The following ATP10B variants were observed in gnomAD, a reference collection of about 807,000 sequenced individuals.
The protein encoded by ATP10B is ATPase phospholipid transporting 10B (putative).
Under a neutral mutation model 141.2 loss-of-function variants are expected in ATP10B, and 122 were observed. The ratio of observed to expected loss-of-function variants is 0.86; its 90% CI spans 0.75 to 1.00. The LOEUF is 1.00. Among genes scored for constraint, ATP10B ranks in the 50% least tolerant of loss-of-function variants. The pLI, the probability that ATP10B is intolerant of heterozygous loss-of-function variation, is 0.00. For missense variants in ATP10B, 1,876 were observed against 1,825.3 expected (o/e 1.03, Z -0.51); for synonymous variants, 685 against 692.0 (o/e 0.99, Z 0.16).
At position 160,615,914 on chromosome 5, in the gene ATP10B, A is replaced by G. The variant is rs1459335828; in HGVS notation, c.2577T>C (p.Ala859=). 7.4e-6 allele frequency: 12 copies of G among 1,613,900 alleles called. No individual in the cohort carries two copies. Among genetic ancestry groups the G allele is most frequent in the Middle Eastern group, 1.6e-4 (1 of 6,080 alleles). ...FRRWASFRRE[A]EASLDNRDEL... ...CATCTCGGTTGTCGAGGGATGCCTC[A>G]GCCTCACGCCGGAAACTGGCCCATC... The change falls in exon 17 of 26, where the codon GCT becomes GCC. Residue 859 remains alanine (A), a synonymous_variant. Transcript: ENST00000327245.
chr5:160,864,604 G>C, the ATP10B span, among the ~76,000 whole-genome samples: 1 of 151,716 alleles, frequency 6.6e-6, no homozygotes, highest in Non-Finnish European at 1.5e-5. Flanking sequence ...AAAAAATAAA[G>C]AGTATCCAAA....
intron 7 of ATP10B, among the ~76,000 whole-genome samples, chr5:160,667,340 T>G (rs1037074326): frequency 3.3e-5 from 5 of 152,228 alleles, no homozygotes. Context: ...AGGACCTCTG[T>G]ATGCCCCAGT....
chr5:160,909,891 C>T, the ATP10B span, among the ~76,000 whole-genome samples: 2 of 152,130 alleles, frequency 1.3e-5, no homozygotes, highest in Admixed American at 1.3e-4. Context: ...GTAGGCAGCT[C>T]AGTAAAGCAG....
At chr5:160,616,088 TTTC>T in intron 16 of ATP10B, 124 bp from the exon 17 acceptor site, 1 of 1,033,206 alleles carries the variant, frequency 9.7e-7, no homozygotes, top group East Asian at 2.8e-5. Context: ...TAGATGGGGC[TTTC>T]TTCTCAAAGA....
chr5:160,864,164 G>A, the ATP10B span, among the ~76,000 whole-genome samples: 64 of 151,846 alleles, frequency 4.2e-4, no homozygotes, highest in African/African-American at 1.4e-3. Flanking sequence ...CATCCCTGAC[G>A]CAAAAACATA....
intron 21 of ATP10B, among the ~76,000 whole-genome samples, 197 bp downstream of exon 21, chr5:160,602,380 A>G (rs1757142513): frequency 6.6e-6 from 1 of 152,214 alleles, no homozygotes; most frequent in South Asian, 2.1e-4. Context: ...AATTCTCACA[A>G]TAACTTCACA....
chr5:160,915,463 C>T, the ATP10B span, among the ~76,000 whole-genome samples: 1 of 152,026 alleles, frequency 6.6e-6, no homozygotes, highest in Non-Finnish European at 1.5e-5. Flanking sequence ...TCCTGAGTAG[C>T]TGGGATAACA....
intron 22 of ATP10B, among the ~76,000 whole-genome samples, chr5:160,597,723 A>G (rs1410332526): frequency 6.6e-6 from 1 of 152,178 alleles, no homozygotes; most frequent in Non-Finnish European, 1.5e-5. Context: ...ACCCCATCAA[A>G]AAGTGGGCAA....
At chr5:160,720,538 G>A (rs1259986640) in intron 2 of ATP10B, among the ~76,000 whole-genome samples, 2 of 152,218 alleles carry the variant, frequency 1.3e-5, no homozygotes, top group Admixed American at 6.5e-5. Flanking sequence ...ATGCCTGAAA[G>A]CTTCTTCAAT....
At chr5:160,572,188 G>GTT (rs3075519) in intron 24 of ATP10B, among the ~76,000 whole-genome samples, 96,026 of 150,822 alleles carry the variant, frequency 0.64, 30,898 homozygotes, top group East Asian at 0.84. Context: ...CTTTTAAAGA[G>GTT]TTTTTTTTTC....
intron 18 of ATP10B, 126 bp from the exon 19 acceptor site, chr5:160,607,212 T>G (rs1757445553): frequency 1.2e-6 from 1 of 815,512 alleles, no homozygotes; most frequent in Non-Finnish European, 1.9e-6. Context: ...TACAAGCTAT[T>G]CTCCAATTTT....
At chr5:160,832,396 T>C (rs1052502555) in intron 1 of ATP10B, among the ~76,000 whole-genome samples, 6 of 152,078 alleles carry the variant, frequency 3.9e-5, no homozygotes, top group Non-Finnish European at 8.8e-5. Flanking sequence ...ATAAGGTAGT[T>C]TTATATGTAC....
chr5:160,835,399 G>C (rs1274602657), intron 1 of ATP10B, among the ~76,000 whole-genome samples: 2 of 152,098 alleles, frequency 1.3e-5, no homozygotes, highest in African/African-American at 4.8e-5. Flanking sequence ...AGTAGAAAAT[G>C]ACAAGTAGAA....
the ATP10B span, among the ~76,000 whole-genome samples, chr5:160,879,773 G>A: frequency 6.6e-6 from 1 of 152,106 alleles, no homozygotes; most frequent in Admixed American, 6.5e-5. Context: ...AGGAGGTGGA[G>A]CTTGTAGTGA....
At chr5:160,760,205 C>T (rs1347206542) in intron 2 of ATP10B, among the ~76,000 whole-genome samples, 1 of 152,224 alleles carries the variant, frequency 6.6e-6, no homozygotes, top group Non-Finnish European at 1.5e-5. Flanking sequence ...TACTTATTAA[C>T]TGCTAACAGG....
chr5:160,923,780 A>C, the ATP10B span, among the ~76,000 whole-genome samples: 358 of 152,356 alleles, frequency 2.3e-3, 1 homozygote, highest in Non-Finnish European at 3.7e-3. Context: ...TCAAGCCAAG[A>C]AGCCAGTTAC....
chr5:160,819,796 C>T (rs1773961820), intron 1 of ATP10B, among the ~76,000 whole-genome samples: 1 of 151,884 alleles, frequency 6.6e-6, no homozygotes, highest in African/African-American at 2.4e-5. Context: ...ATTTGCAAGC[C>T]TCATGGCACC....
intron 2 of ATP10B, among the ~76,000 whole-genome samples, chr5:160,730,146 A>C (rs2421535): frequency 6.7e-6 from 1 of 148,660 alleles, no homozygotes; most frequent in South Asian, 2.2e-4. Context: ...TATATAAATC[A>C]TATAATGCTG....
At chr5:160,721,347 A>G (rs906992350) in intron 2 of ATP10B, among the ~76,000 whole-genome samples, 1 of 152,172 alleles carries the variant, frequency 6.6e-6, no homozygotes, top group Non-Finnish European at 1.5e-5. Context: ...GTACTGCCAC[A>G]TCAGGGCTAA....
Sources: gnomAD v4.1 joint callset for allele counts (sites outside exome capture counted in the v4.1 genomes callset) on GRCh38, gnomAD v4.1.1 for gene constraint, MANE v1.5 for transcripts, NCBI Gene and HGNC (gene_info 2026-07-23, HGNC 2026-07-21) for gene names.